PDIA3: variants seen among roughly 807,000 people sequenced by gnomAD.
PDIA3 encodes the protein protein disulfide-isomerase A3.
A neutral mutation model predicts 56.9 loss-of-function variants in PDIA3; 16 were observed. The observed-to-expected ratio is 0.28, with a 90% CI of 0.19 to 0.43. The LOEUF (loss-of-function observed/expected upper bound fraction) is 0.43, where lower values mean the gene tolerates loss of function less well. Among genes scored for constraint, PDIA3 ranks in the 20% least tolerant of loss-of-function variants. The probability of loss-of-function intolerance (pLI) is 1.00; values close to 1 mark genes in which losing one functional copy is unlikely to be tolerated. For synonymous variants in PDIA3, 192 were observed against 216.5 expected, an observed-to-expected ratio of 0.89 and a Z score of 0.99; for missense variants, 485 against 621.3, an observed-to-expected ratio of 0.78 and a Z score of 2.33.
intron 10 of PDIA3, 57 bp from the exon 11 acceptor site, chr15:43,770,193 G>A: frequency 7.5e-7 from 1 of 1,327,716 alleles, no homozygotes; most frequent in Non-Finnish European, 1.1e-6. Context: ...AATTGACTAA[G>A]TGTCCCTCTG....
At chr15:43,753,703 C>T (rs1235311850) in intron 1 of PDIA3, 121 bp from the exon 2 acceptor site, 2 of 696,942 alleles carry the variant, frequency 2.9e-6, no homozygotes, top group East Asian at 2.6e-5. Context: ...GATGATTTTG[C>T]TTTTTGGAAG....
chr15:43,762,285 G>A (rs1773405751), intron 4 of PDIA3, among the ~76,000 whole-genome samples: 1 of 152,142 alleles, frequency 6.6e-6, no homozygotes, highest in Non-Finnish European at 1.5e-5. Context: ...GCTGAAGCGG[G>A]CGGATCACCT....
At position 43,773,220 on chromosome 15, in the gene PDIA3, G is replaced by T. The variant is rs201925715; in HGVS notation, c.*2002G>T. On this transcript the variant is annotated 3_prime_UTR_variant, in exon 13 of 13. Transcript: ENST00000300289. ...CGACGCTTTTCTTCTCTGTAACTTG[G>T]GTACTGCTGCAGAGAAAAAGCATCC... 2.9e-5 allele frequency: 46 copies of T among 1,613,654 alleles called. No individual in the cohort carries two copies. Among genetic ancestry groups the T allele is most frequent in the Non-Finnish European group, 3.7e-5 (44 of 1,179,922 alleles).
At chr15:43,751,546 T>C (rs978009137) in intron 1 of PDIA3, 4 of 1,271,024 alleles carry the variant, frequency 3.1e-6, no homozygotes, top group Non-Finnish European at 4.2e-6. Flanking sequence ...GAAGGATGTA[T>C]GTTAACCAAC....
chr15:43,747,285 T>A (rs2086713441), intron 1 of PDIA3, among the ~76,000 whole-genome samples: 1 of 152,216 alleles, frequency 6.6e-6, no homozygotes, highest in Non-Finnish European at 1.5e-5. Context: ...TACATCTCAG[T>A]ACCGGCAGAT....
chr15:43,770,486 A>G (rs2086874368), intron 11 of PDIA3, 37 bp from the exon 12 acceptor site: 4 of 1,537,420 alleles, frequency 2.6e-6, no homozygotes, highest in African/African-American at 1.4e-5. Flanking sequence ...ATGGGCCCAC[A>G]TAACTGCTTG....
At position 43,746,458 on chromosome 15, in the gene PDIA3, C is replaced by G. The variant is rs1239888728; in HGVS notation, c.-82C>G. 7.7e-7 allele frequency: 1 copy of G among 1,307,176 alleles called. No individual in the cohort carries two copies. The highest frequency in any genetic ancestry group is 1.0e-6 in the Non-Finnish European group (1 of 995,294). The allele number at this position is 1,307,176 out of a possible 1,614,324, so 81.0% of individuals were successfully genotyped here. A position where few individuals can be genotyped will look rare whatever the true frequency, so the allele number is the denominator to read the frequency against. ...GGGCCAGACGCGCGAGCGCAAGCAG[C>G]GGGTTAGTGGTCGCGCGCCCGACCT... On this transcript the variant is annotated 5_prime_UTR_variant, in exon 1 of 13. Transcript: ENST00000300289.
At chr15:43,748,990 C>T (rs1321325555) in intron 1 of PDIA3, among the ~76,000 whole-genome samples, 1 of 152,014 alleles carries the variant, frequency 6.6e-6, no homozygotes, top group African/African-American at 2.4e-5. Context: ...AGGCTGGTCT[C>T]GAACTCCTGA....
At chr15:43,751,673 A>G (rs1473406404) in intron 1 of PDIA3, 1 of 1,304,038 alleles carries the variant, frequency 7.7e-7, no homozygotes, top group Admixed American at 2.3e-5. Context: ...GATATTGCCA[A>G]AGTTTAAGGC....
At chr15:43,765,348 TC>T (rs1023798794) in intron 5 of PDIA3, 101 bp from the exon 6 acceptor site, 4 of 746,412 alleles carry the variant, frequency 5.4e-6, no homozygotes, top group African/African-American at 3.5e-5. Flanking sequence ...ACCATTGCAC[TC>T]CAGCCTGAGC....
Position 43,773,192 on chromosome 15 carries a change from C to A in PDIA3, c.*1974C>A, listed in dbSNP as rs1471715872. On this transcript the variant is annotated 3_prime_UTR_variant, in exon 13 of 13. Transcript: ENST00000300289. Reference sequence around the variant, plus strand: ...GGACAATTTCTGGTGAAGGTACTCACAGCGACGCTTTTCTTCTCTGTAACT... The same window carrying A: ...GGACAATTTCTGGTGAAGGTACTCAAAGCGACGCTTTTCTTCTCTGTAACT... 4 of 1,613,924 alleles carry A rather than the reference C, an allele frequency of 2.5e-6. No individual in the cohort carries two copies. The highest frequency in any genetic ancestry group is 2.5e-6 in the Non-Finnish European group (3 of 1,179,996).
chr15:43,760,820 A>G (rs1313138176), intron 3 of PDIA3, among the ~76,000 whole-genome samples: 1 of 151,464 alleles, frequency 6.6e-6, no homozygotes, highest in Non-Finnish European at 1.5e-5. Flanking sequence ...CGTGAGCCAC[A>G]GCACCCGGCC....
chr15:43,763,779 G>T (rs2086832121), intron 5 of PDIA3, among the ~76,000 whole-genome samples: 2 of 151,666 alleles, frequency 1.3e-5, no homozygotes, highest in South Asian at 4.2e-4. Context: ...CTTCTTATGG[G>T]GTAGGGGGGT....
chr15:43,767,643 A>G (rs1336839790), intron 8 of PDIA3, among the ~76,000 whole-genome samples: 1 of 151,014 alleles, frequency 6.6e-6, no homozygotes, highest in East Asian at 2.0e-4. Flanking sequence ...GACGGTGCGC[A>G]CCTGTAATTC....
intron 1 of PDIA3, among the ~76,000 whole-genome samples, chr15:43,750,221 G>C (rs1313005491): frequency 2.1e-5 from 3 of 140,948 alleles, no homozygotes; most frequent in African/African-American, 7.9e-5. Flanking sequence ...TCACCATGTT[G>C]GCCAGGCTGG....
intron 7 of PDIA3, among the ~76,000 whole-genome samples, 166 bp from the exon 8 acceptor site, chr15:43,766,562 T>G (rs2086848620): frequency 6.6e-6 from 1 of 152,236 alleles, no homozygotes; most frequent in African/African-American, 2.4e-5. Flanking sequence ...CATTGAAGTA[T>G]ATCATAACCC....
chr15:43,771,414 A>AT lies in PDIA3; in HGVS notation c.*197dup, dbSNP rs148567768. 4.9e-5 allele frequency: 20 copies of AT among 404,626 alleles called. No homozygotes were observed. The highest frequency in any genetic ancestry group is 4.6e-4 in the East Asian group (13 of 28,182). 25.1% of individuals were successfully genotyped at this position (404,626 alleles called of 1,614,324 possible). A position where few individuals can be genotyped will look rare whatever the true frequency, so the allele number is the denominator to read the frequency against. On this transcript the variant is annotated 3_prime_UTR_variant, in exon 13 of 13. Coordinates refer to ENST00000300289, the MANE Select transcript of PDIA3 (RefSeq NM_005313.5). ...TTTATGGAAATACCAGGACCAGTTTATGTTTGTGGTTTTGGGAAAAATTAT... is the reference window on the plus strand; with the variant it reads ...TTTATGGAAATACCAGGACCAGTTTATTGTTTGTGGTTTTGGGAAAAATTAT...
At chr15:43,749,806 G>A (rs892504524) in intron 1 of PDIA3, among the ~76,000 whole-genome samples, 10 of 152,094 alleles carry the variant, frequency 6.6e-5, no homozygotes, top group African/African-American at 2.4e-4. Context: ...ACCGGGCATG[G>A]TAGCACACGC....
chr15:43,762,063 C>A (rs2086819767), intron 4 of PDIA3, among the ~76,000 whole-genome samples: 1 of 152,186 alleles, frequency 6.6e-6, no homozygotes, highest in African/African-American at 2.4e-5. Context: ...TGCAGTATCT[C>A]GTTTTTAAAT....
Sources: allele counts gnomAD v4.1 joint callset (sites outside exome capture counted in the v4.1 genomes callset), GRCh38; gene constraint gnomAD v4.1.1; transcripts MANE v1.5; gene names NCBI Gene and HGNC (gene_info 2026-07-23, HGNC 2026-07-21).